Variants in AFG2A observed in about 807,000 individuals in gnomAD.
AFG2A encodes AAA ATPase AFG2A.
At chr4:123,022,862 A>G in the AFG2A span, among the ~76,000 whole-genome samples, 1 of 152,272 alleles carries the variant, frequency 6.6e-6, no homozygotes, top group East Asian at 1.9e-4. Flanking sequence ...GCCATAAAAA[A>G]TGATGAGTTC....
chr4:123,085,942 C>T, the AFG2A span, among the ~76,000 whole-genome samples: 1 of 152,018 alleles, frequency 6.6e-6, no homozygotes, highest in Non-Finnish European at 1.5e-5. Context: ...ATTCACTTCA[C>T]AGGTAGTGCA....
chr4:123,053,091 G>T, the AFG2A span, among the ~76,000 whole-genome samples: 1,846 of 152,316 alleles, frequency 0.012, 43 homozygotes, highest in African/African-American at 0.041. Flanking sequence ...CCAAACTGAG[G>T]GTGGGGCTTT....
the AFG2A span, among the ~76,000 whole-genome samples, chr4:123,017,411 GA>G: frequency 3.9e-4 from 47 of 119,706 alleles, no homozygotes; most frequent in African/African-American, 1.1e-3. Context: ...TACAGCATGG[GA>G]AATTTTTTTT....
At chr4:123,279,991 G>A in the AFG2A span, among the ~76,000 whole-genome samples, 4,788 of 152,184 alleles carry the variant, frequency 0.031, 246 homozygotes, top group African/African-American at 0.11. Flanking sequence ...AAGTTAGTTC[G>A]CATTTATGAT....
chr4:122,939,071 C>CTCTCTTTTTTTTTTTTTTTT, the AFG2A span, among the ~76,000 whole-genome samples: 2 of 76,210 alleles, frequency 2.6e-5, 1 homozygote. Context: ...GGGATATGTT[C>CTCTCTTTTTTTTTTTTTTTT]TTTCTTTTTT....
chr4:123,005,921 T>C, the AFG2A span, among the ~76,000 whole-genome samples: 3 of 152,200 alleles, frequency 2.0e-5, no homozygotes. Flanking sequence ...GAGTATTTTC[T>C]TTTGAAGAGT....
the AFG2A span, among the ~76,000 whole-genome samples, chr4:123,138,341 C>T: frequency 1.3e-5 from 2 of 151,982 alleles, no homozygotes; most frequent in African/African-American, 4.8e-5. Context: ...CTGTATTTTA[C>T]TTAAGATAAT....
the AFG2A span, chr4:122,934,765 C>CA: frequency 6.6e-7 from 1 of 1,525,960 alleles, no homozygotes; most frequent in South Asian, 1.3e-5. Flanking sequence ...TTATTGCACC[C>CA]AAAAATGTTA....
chr4:123,305,376 C>A, the AFG2A span, among the ~76,000 whole-genome samples: 1 of 152,170 alleles, frequency 6.6e-6, no homozygotes, highest in East Asian at 1.9e-4. Context: ...CTTCTTCCCA[C>A]GCCTGTGTGC....
At chr4:123,049,023 T>C in the AFG2A span, among the ~76,000 whole-genome samples, 1 of 152,198 alleles carries the variant, frequency 6.6e-6, no homozygotes, top group Non-Finnish European at 1.5e-5. Context: ...CTTTATCAGA[T>C]TGAAGTATGT....
chr4:123,215,174 A>C, the AFG2A span, among the ~76,000 whole-genome samples: 1 of 152,124 alleles, frequency 6.6e-6, no homozygotes, highest in African/African-American at 2.4e-5. Context: ...TACCTTGACT[A>C]TCACAAATAC....
At chr4:123,294,889 G>A in the AFG2A span, among the ~76,000 whole-genome samples, 2 of 152,190 alleles carry the variant, frequency 1.3e-5, no homozygotes, top group Non-Finnish European at 2.9e-5. Flanking sequence ...AGGAGAATTA[G>A]AAGCTAGTCC....
the AFG2A span, chr4:122,936,100 A>G: frequency 6.2e-7 from 1 of 1,600,720 alleles, no homozygotes; most frequent in Non-Finnish European, 8.5e-7. Flanking sequence ...TTTGTTACAG[A>G]TTCTATGGTG....
chr4:123,013,084 T>C, the AFG2A span, among the ~76,000 whole-genome samples: 11 of 151,908 alleles, frequency 7.2e-5, no homozygotes, highest in Non-Finnish European at 2.9e-5. Flanking sequence ...GGCCGTTTTA[T>C]AGGATTTGGG....
At chr4:123,161,959 T>C in the AFG2A span, among the ~76,000 whole-genome samples, 1 of 152,136 alleles carries the variant, frequency 6.6e-6, no homozygotes, top group South Asian at 2.1e-4. Flanking sequence ...AGGAGAGTAA[T>C]CAGGATTTGA....
At chr4:123,064,722 C>T in the AFG2A span, among the ~76,000 whole-genome samples, 1 of 152,128 alleles carries the variant, frequency 6.6e-6, no homozygotes. Context: ...TCATAGGATC[C>T]TAAGATCCTG....
At chr4:122,946,849 A>T in the AFG2A span, among the ~76,000 whole-genome samples, 14 of 152,238 alleles carry the variant, frequency 9.2e-5, no homozygotes, top group Non-Finnish European at 1.6e-4. Context: ...CTGACTTTCA[A>T]GTAGGGGAAA....
chr4:123,027,518 C>A, the AFG2A span, among the ~76,000 whole-genome samples: 1 of 152,194 alleles, frequency 6.6e-6, no homozygotes, highest in South Asian at 2.1e-4. Flanking sequence ...ATGGCCTTTT[C>A]AGTTTGTTAT....
the AFG2A span, among the ~76,000 whole-genome samples, chr4:123,019,890 T>G: frequency 1.5e-3 from 229 of 152,236 alleles, 1 homozygote; most frequent in African/African-American, 5.3e-3. Flanking sequence ...AGTACAATAG[T>G]TGGAAAGAAT....
Sources: gnomAD v4.1 joint callset for allele counts (sites outside exome capture counted in the v4.1 genomes callset) on GRCh38, gnomAD v4.1.1 for gene constraint, MANE v1.5 for transcripts, NCBI Gene and HGNC (gene_info 2026-07-23, HGNC 2026-07-21) for gene names.